The following IRGM variants were observed in gnomAD, a reference collection of about 807,000 sequenced individuals.
The protein encoded by IRGM is immunity-related GTPase family M protein.
For synonymous variants in IRGM, 98 were observed against 80.6 expected (o/e 1.22, Z -1.16); for missense variants, 288 against 219.9 (o/e 1.31, Z -1.96).
At chr5:150,885,952 A>C (rs1754514882) in intron 3 of IRGM, among the ~76,000 whole-genome samples, 1 of 151,920 alleles carries the variant, frequency 6.6e-6, no homozygotes, top group Non-Finnish European at 1.5e-5. Flanking sequence ...ATTATGTTGA[A>C]GAGTGGTGAG....
intron 3 of IRGM, among the ~76,000 whole-genome samples, chr5:150,888,320 C>T (rs1754556172): frequency 2.0e-5 from 3 of 151,928 alleles, no homozygotes; most frequent in African/African-American, 7.3e-5. Flanking sequence ...TTCTTAGAGA[C>T]CTACAAAGAG....
At chr5:150,874,010 T>G (rs904885689) in intron 1 of IRGM, among the ~76,000 whole-genome samples, 3 of 152,172 alleles carry the variant, frequency 2.0e-5, no homozygotes, top group African/African-American at 7.2e-5. Flanking sequence ...CTTAACCAAG[T>G]GGTGACTCTG....
downstream of IRGM, among the ~76,000 whole-genome samples, chr5:150,850,223 C>T (rs556546081): frequency 4.9e-4 from 75 of 152,024 alleles, no homozygotes; most frequent in Admixed American, 3.4e-3. Context: ...TAGTCACATA[C>T]GTAATTTAAA....
At chr5:150,860,787 G>A (rs753914886) in intron 1 of IRGM, among the ~76,000 whole-genome samples, 35 of 152,148 alleles carry the variant, frequency 2.3e-4, no homozygotes, top group Non-Finnish European at 4.3e-4. Flanking sequence ...CTGATTGCTC[G>A]GGGTCTGTGC....
chr5:150,867,501 T>G (rs59531858), intron 1 of IRGM, among the ~76,000 whole-genome samples: 16,351 of 152,194 alleles, frequency 0.11, 1,154 homozygotes, highest in East Asian at 0.39. Context: ...TATTCAGTAG[T>G]AGGTTTATTG....
In IRGM at chr5:150,848,266, C is replaced by A. The variant is rs779184883; in HGVS notation, c.143C>A (p.Thr48Asn). The A allele has an allele frequency of 6.4e-7, 1 of 1,551,840 alleles. No individual in the cohort carries two copies. The highest frequency in any genetic ancestry group is 8.7e-7 in the Non-Finnish European group (1 of 1,146,998). ...GGGGACTCTGGCAATGGGATGTCCA[C>A]CTTCATCAGTGCCCTTCGAAACACA... ...MAGDSGNGMS[T>N]FISALRNTGH... Residue 48 changes from threonine (T) to asparagine (N), a missense_variant, in exon 2 of 2, where the codon ACC (threonine) becomes AAC (asparagine). Physicochemically the swap from Thr to Asn is moderately conservative, Grantham distance 65. Transcript: ENST00000522154.
chr5:150,850,402 G>A (rs888621075), downstream of IRGM, among the ~76,000 whole-genome samples: 6 of 152,122 alleles, frequency 3.9e-5, no homozygotes, highest in Admixed American at 6.5e-5. Flanking sequence ...AGAAAAAATA[G>A]GTTGTTAGAC....
At chr5:150,902,280 T>C (rs991179406), downstream of IRGM, among the ~76,000 whole-genome samples, 2 of 152,196 alleles carry the variant, frequency 1.3e-5, no homozygotes, top group African/African-American at 4.8e-5. Context: ...GCAAAAGATA[T>C]GGAGCATCAG....
intron 3 of IRGM, chr5:150,896,171 A>G: frequency 6.2e-7 from 1 of 1,613,434 alleles, no homozygotes; most frequent in Non-Finnish European, 8.5e-7. Context: ...TCCCGCATTC[A>G]CTACATTCAT....
chr5:150,863,201 C>T (rs1487849592), intron 1 of IRGM, among the ~76,000 whole-genome samples: 1 of 152,042 alleles, frequency 6.6e-6, no homozygotes, highest in African/African-American at 2.4e-5. Context: ...GAAACTGGCG[C>T]AGAACAGAGC....
intron 1 of IRGM, among the ~76,000 whole-genome samples, chr5:150,868,957 G>A (rs1479901460): frequency 3.3e-5 from 5 of 151,966 alleles, no homozygotes; most frequent in African/African-American, 9.7e-5. Context: ...TCTCTTTACC[G>A]ATTTGGATGC....
At chr5:150,895,391 A>G (rs1481530440) in intron 3 of IRGM, 2 of 1,483,922 alleles carry the variant, frequency 1.3e-6, no homozygotes, top group Admixed American at 2.0e-5. Flanking sequence ...TTAAGGCTTG[A>G]GCTAATACTA....
Position 150,848,232 on chromosome 5 carries a change from A to G in IRGM, c.109A>G (p.Thr37Ala). The change falls in exon 2 of 2, where the codon ACT (threonine) becomes GCT (alanine). Residue 37 changes from threonine to alanine, a missense_variant. By Grantham distance (58) the Thr-to-Ala change is moderately conservative (BLOSUM62 0). Coordinates refer to ENST00000522154, the MANE Select transcript of IRGM (RefSeq NM_001145805.2). The stretch of plus-strand genomic sequence containing the variant: ...AGTGTCCAGGACACCAGTTAACATC[A>G]CTATGGCAGGGGACTCTGGCAATGG... ...KIVSRTPVNI[T>A]MAGDSGNGMS... The G allele has an allele frequency of 1.9e-6, 3 of 1,551,804 alleles. No individual in the cohort carries two copies. The highest frequency in any genetic ancestry group is 1.2e-5 in the South Asian group (1 of 84,064).
chr5:150,866,201 A>C (rs1209372205), intron 1 of IRGM, among the ~76,000 whole-genome samples: 1 of 152,136 alleles, frequency 6.6e-6, no homozygotes, highest in Non-Finnish European at 1.5e-5. Context: ...CTGATAAGTC[A>C]TTTCCAGTAT....
intron 3 of IRGM, chr5:150,897,402 CAACT>C (rs1431752345): frequency 6.4e-6 from 1 of 156,992 alleles, no homozygotes; most frequent in Admixed American, 6.5e-5. Context: ...ATTTTCCTAA[CAACT>C]AACAAATAAT....
At position 150,891,130 on chromosome 5, in the gene IRGM, A is replaced by C. The variant is rs1754603192; in HGVS notation, c.*141-9459A>C. On this transcript the variant is annotated intron_variant and NMD_transcript_variant, in intron 3 of 3. Coordinates refer to the IRGM transcript ENST00000520549. Reference sequence around the variant, plus strand: ...GTGAAGCTCTGCTATTAAGTGCATAAGTGTTTAGGATTATGTTCTCATGAT... The same window carrying C: ...GTGAAGCTCTGCTATTAAGTGCATACGTGTTTAGGATTATGTTCTCATGAT... Among the ~76,000 whole-genome samples, 4 of 152,036 alleles carry C rather than the reference A, an allele frequency of 2.6e-5. No homozygotes were observed. In the South Asian group the frequency reaches 8.3e-4, roughly 31 times the overall value.
intron 1 of IRGM, among the ~76,000 whole-genome samples, chr5:150,856,964 G>A (rs73282284): frequency 0.2 from 29,243 of 149,200 alleles, 3,634 homozygotes; most frequent in East Asian, 0.43. Context: ...AAGGTTTAGC[G>A]TACATGTGCA....
chr5:150,895,710 C>A, intron 3 of IRGM: 1 of 1,613,266 alleles, frequency 6.2e-7, no homozygotes, highest in Non-Finnish European at 8.5e-7. Flanking sequence ...TCTCTGATGT[C>A]CAATGAGATG....
At chr5:150,877,411 A>G (rs576370876) in intron 1 of IRGM, among the ~76,000 whole-genome samples, 2 of 152,262 alleles carry the variant, frequency 1.3e-5, no homozygotes, top group South Asian at 4.2e-4. Context: ...CCTCATGCTG[A>G]ATGCTTCCTG....
Sources: gnomAD v4.1 joint callset for allele counts (sites outside exome capture counted in the v4.1 genomes callset) on GRCh38, gnomAD v4.1.1 for gene constraint, MANE v1.5 for transcripts, NCBI Gene and HGNC (gene_info 2026-07-23, HGNC 2026-07-21) for gene names.